Variants in APPL1 observed in about 807,000 individuals in gnomAD.
The protein encoded by APPL1 is DCC-interacting protein 13-alpha.
Under a neutral mutation model 106.8 loss-of-function variants are expected in APPL1, and 42 were observed. That is an observed-to-expected ratio of 0.39 (90% CI 0.31 to 0.51). APPL1 has a LOEUF of 0.51. Ranked by LOEUF, APPL1 falls within the 20% of genes least tolerant of loss-of-function variation. APPL1 has a pLI of 0.75. For synonymous variants in APPL1, 263 were observed against 281.8 expected, an observed-to-expected ratio of 0.93 and a Z score of 0.67; for missense variants, 769 against 858.2, an observed-to-expected ratio of 0.90 and a Z score of 1.30.
At chr3:57,256,040 T>C (rs554831085) in intron 13 of APPL1, among the ~76,000 whole-genome samples, 5 of 152,346 alleles carry the variant, frequency 3.3e-5, no homozygotes, top group African/African-American at 1.2e-4. Flanking sequence ...AATTGTTATG[T>C]GATTATTTTT....
chr3:57,248,552 T>C (rs1431979691), intron 10 of APPL1, among the ~76,000 whole-genome samples: 3 of 152,168 alleles, frequency 2.0e-5, no homozygotes, highest in African/African-American at 7.2e-5. Flanking sequence ...TAGATATTTA[T>C]TGAATAATGT....
chr3:57,229,633 C>G (rs563259528), intron 1 of APPL1, among the ~76,000 whole-genome samples: 6 of 146,730 alleles, frequency 4.1e-5, no homozygotes, highest in Admixed American at 3.4e-4. Flanking sequence ...AACACCTATG[C>G]TGAAGTGATC....
intron 13 of APPL1, among the ~76,000 whole-genome samples, chr3:57,254,647 C>T (rs1246183737): frequency 2.0e-5 from 3 of 152,068 alleles, no homozygotes; most frequent in African/African-American, 7.2e-5. Flanking sequence ...TTTTTTGAGA[C>T]AGAGTCTTGC....
chr3:57,237,873 T>G (rs2060724534), intron 3 of APPL1, among the ~76,000 whole-genome samples, 172 bp from the exon 4 acceptor site: 1 of 152,212 alleles, frequency 6.6e-6, no homozygotes, highest in South Asian at 2.1e-4. Flanking sequence ...GCTTACTTAA[T>G]AAACAATTAA....
chr3:57,262,166 G>T (rs1290368989), intron 19 of APPL1, among the ~76,000 whole-genome samples: 1 of 151,750 alleles, frequency 6.6e-6, no homozygotes, highest in Non-Finnish European at 1.5e-5. Flanking sequence ...GTCCCCAGTT[G>T]GATGAACAGT....
chr3:57,255,259 GC>G (rs2060828883), intron 13 of APPL1, among the ~76,000 whole-genome samples: 1 of 152,170 alleles, frequency 6.6e-6, no homozygotes, highest in Non-Finnish European at 1.5e-5. Context: ...GCCTGTCTGT[GC>G]TATGGGAGTC....
In APPL1 at chr3:57,269,588, C is replaced by T. The variant is rs750345304; in HGVS notation, c.2031C>T (p.Asn677=). The T allele has an allele frequency of 8.1e-6, 13 of 1,613,860 alleles. 1 individual carries two copies. In the South Asian group the frequency reaches 1.2e-4, roughly 15 times the overall value. ...SRLIAASSRP[N]QASSEGQFVV... ...TGATAGCTGCTTCCAGTAGACCAAA[C>T]CAAGCCAGTAGTGAGGGGCAGTTTG... is the stretch of plus-strand genomic sequence containing the variant. The change falls in exon 22 of 22, where the codon AAC becomes AAT. Residue 677 remains asparagine, a synonymous_variant. Coordinates refer to ENST00000288266, the MANE Select transcript of APPL1 (RefSeq NM_012096.3).
At chr3:57,267,628 G>A in intron 19 of APPL1, 114 bp from the exon 20 acceptor site, 1 of 858,800 alleles carries the variant, frequency 1.2e-6, no homozygotes, top group Non-Finnish European at 1.9e-6. Context: ...GCTTTTGCTT[G>A]AAGCAATGTA....
chr3:57,262,037 A>G (rs1295634238), intron 19 of APPL1, among the ~76,000 whole-genome samples: 1 of 152,076 alleles, frequency 6.6e-6, no homozygotes, highest in Non-Finnish European at 1.5e-5. Flanking sequence ...GCATCTTTTC[A>G]TATACCTGTT....
At chr3:57,227,978 C>A (rs998797464) in intron 1 of APPL1, 41 bp downstream of exon 1, 2 of 1,397,416 alleles carry the variant, frequency 1.4e-6, no homozygotes, top group Admixed American at 2.4e-5. Flanking sequence ...GAGAGCCCAG[C>A]TGGCCGACCC....
intron 13 of APPL1, among the ~76,000 whole-genome samples, chr3:57,253,977 T>C (rs1441217330): frequency 2.7e-4 from 41 of 151,976 alleles, no homozygotes; most frequent in African/African-American, 8.9e-4. Context: ...ATTCTCCTGC[T>C]TCAGCCTCAC....
intron 10 of APPL1, among the ~76,000 whole-genome samples, chr3:57,248,605 C>T (rs1030755501): frequency 2.0e-5 from 3 of 152,126 alleles, no homozygotes; most frequent in Non-Finnish European, 4.4e-5. Flanking sequence ...CATGGTGGCT[C>T]ACGCCTGTGA....
intron 13 of APPL1, among the ~76,000 whole-genome samples, chr3:57,255,966 G>A (rs2060833087): frequency 6.6e-6 from 1 of 152,116 alleles, no homozygotes; most frequent in Non-Finnish European, 1.5e-5. Flanking sequence ...GTGAGAATAG[G>A]AATTTTGATC....
At chr3:57,236,118 C>T (rs988971374) in intron 2 of APPL1, among the ~76,000 whole-genome samples, 2 of 148,612 alleles carry the variant, frequency 1.3e-5, no homozygotes, top group Non-Finnish European at 3.0e-5. Flanking sequence ...GATCTTGGGT[C>T]ACCACAACCT....
chr3:57,267,176 A>G (rs548591201), intron 19 of APPL1, among the ~76,000 whole-genome samples: 30 of 152,136 alleles, frequency 2.0e-4, no homozygotes, highest in African/African-American at 6.3e-4. Context: ...CTCTTTCATC[A>G]GTGTTTTGTA....
At chr3:57,263,264 A>G (rs2060877185) in intron 19 of APPL1, among the ~76,000 whole-genome samples, 1 of 152,180 alleles carries the variant, frequency 6.6e-6, no homozygotes, top group Non-Finnish European at 1.5e-5. Context: ...CCTTTGTATT[A>G]GAAACAATCC....
At chr3:57,266,758 T>A (rs1203777205) in intron 19 of APPL1, among the ~76,000 whole-genome samples, 1 of 152,220 alleles carries the variant, frequency 6.6e-6, no homozygotes, top group East Asian at 1.9e-4. Context: ...TATTTTGAGT[T>A]GATTTTTGTG....
At chr3:57,238,743 C>T (rs896289492) in intron 4 of APPL1, among the ~76,000 whole-genome samples, 13 of 151,942 alleles carry the variant, frequency 8.6e-5, no homozygotes, top group Admixed American at 4.6e-4. Context: ...ACCGGGAAAT[C>T]AAGATAAAGA....
intron 20 of APPL1, 22 bp downstream of exon 20, chr3:57,267,814 G>A: frequency 6.2e-7 from 1 of 1,612,324 alleles, no homozygotes; most frequent in Non-Finnish European, 8.5e-7. Flanking sequence ...AGATGTGGCT[G>A]GGCACAGTGG....
Sources: gnomAD v4.1 joint callset for allele counts (sites outside exome capture counted in the v4.1 genomes callset) on GRCh38, gnomAD v4.1.1 for gene constraint, MANE v1.5 for transcripts, NCBI Gene and HGNC (gene_info 2026-07-23, HGNC 2026-07-21) for gene names.